Variants in RASAL2 observed in about 807,000 individuals in gnomAD.
RASAL2 encodes RAS protein activator like 2, also known as ras GTPase-activating protein nGAP.
RASAL2 carries 58 observed loss-of-function variants against 128.9 expected under a neutral mutation model. That is an observed-to-expected ratio of 0.45 (90% CI 0.36 to 0.56). RASAL2 has a LOEUF of 0.56. Among genes scored for constraint, RASAL2 ranks in the 20% least tolerant of loss-of-function variants. RASAL2 has a pLI of 0.00. For synonymous variants in RASAL2, 561 were observed against 580.8 expected (o/e 0.97, Z 0.49); for missense variants, 1,360 against 1,601.6 (o/e 0.85, Z 2.57).
intron 1 of RASAL2, among the ~76,000 whole-genome samples, chr1:178,113,619 G>A (rs1324197822): frequency 6.7e-6 from 1 of 148,576 alleles, no homozygotes; most frequent in Non-Finnish European, 1.5e-5. Context: ...CTGGCCTCAA[G>A]CAATCCCCCA....
intron 1 of RASAL2, among the ~76,000 whole-genome samples, chr1:178,174,993 A>T (rs1661834865): frequency 6.6e-6 from 1 of 152,184 alleles, no homozygotes; most frequent in South Asian, 2.1e-4. Flanking sequence ...CTAAGATGAG[A>T]TAGAATCATA....
chr1:178,096,551 G>A (rs533377634), intron 1 of RASAL2, among the ~76,000 whole-genome samples: 10 of 151,612 alleles, frequency 6.6e-5, no homozygotes, highest in Non-Finnish European at 1.5e-4. Context: ...TTCTGAACAG[G>A]ATATATGTTT....
At chr1:178,096,818 G>A (rs1658709759) in intron 1 of RASAL2, among the ~76,000 whole-genome samples, 1 of 151,994 alleles carries the variant, frequency 6.6e-6, no homozygotes, top group Non-Finnish European at 1.5e-5. Flanking sequence ...CTCTGAGGCA[G>A]CTCATCCTGG....
chr1:178,357,873 A>G (rs987442986), intron 3 of RASAL2, among the ~76,000 whole-genome samples: 2 of 152,166 alleles, frequency 1.3e-5, no homozygotes, highest in Non-Finnish European at 2.9e-5. Flanking sequence ...ATATAACAAC[A>G]AATTTAGATT....
At chr1:178,372,291 C>T (rs747200314) in intron 3 of RASAL2, 22 of 985,194 alleles carry the variant, frequency 2.2e-5, no homozygotes, top group East Asian at 2.3e-4. Context: ...ATAGTAGCAC[C>T]GAAGAAGAGA....
intron 1 of RASAL2, among the ~76,000 whole-genome samples, chr1:178,184,645 T>G (rs1282328559): frequency 6.6e-6 from 1 of 152,070 alleles, no homozygotes; most frequent in Non-Finnish European, 1.5e-5. Flanking sequence ...AATGTGTGTC[T>G]TTTTCCAGTC....
chr1:178,423,714 TG>T (rs555754108), intron 5 of RASAL2, among the ~76,000 whole-genome samples: 81 of 151,860 alleles, frequency 5.3e-4, no homozygotes, highest in African/African-American at 1.4e-3. Flanking sequence ...AAAGATGGGA[TG>T]GGGGGGGATT....
Position 178,445,663 on chromosome 1 carries a change from G to A in RASAL2, c.1627+1G>A. The A allele has an allele frequency of 6.3e-7, 1 of 1,597,748 alleles. No individual in the cohort carries two copies. The highest frequency in any genetic ancestry group is 8.5e-7 in the Non-Finnish European group (1 of 1,173,520). On this transcript the variant is annotated splice_donor_variant, in intron 9 of 17. Transcript: ENST00000367649. LOFTEE classifies it high-confidence loss of function. ...CAACAGTATCTTCATGACGCACTGG[G>A]TATGAAAGAGAAAAACATCTATTTT...
intron 1 of RASAL2, among the ~76,000 whole-genome samples, chr1:178,136,775 A>AAAAAAAAAAAAAT (rs1660341443): frequency 6.7e-6 from 1 of 149,968 alleles, no homozygotes; most frequent in African/African-American, 2.5e-5. Flanking sequence ...AAAAAAAAAA[A>AAAAAAAAAAAAAT]AAAAAAAAAA....
At chr1:178,222,158 GTA>G (rs1377043435) in intron 1 of RASAL2, among the ~76,000 whole-genome samples, 1 of 152,018 alleles carries the variant, frequency 6.6e-6, no homozygotes, top group African/African-American at 2.4e-5. Context: ...TGTAGATAAC[GTA>G]TAGTTAGGTT....
At chr1:178,278,337 C>T (rs1229057912) in intron 1 of RASAL2, among the ~76,000 whole-genome samples, 1 of 152,140 alleles carries the variant, frequency 6.6e-6, no homozygotes, top group Non-Finnish European at 1.5e-5. Context: ...CCTGTCTTAT[C>T]TGTGTGGCTG....
intron 1 of RASAL2, among the ~76,000 whole-genome samples, chr1:178,154,327 T>C (rs1469722765): frequency 2.0e-5 from 3 of 152,072 alleles, no homozygotes; most frequent in Non-Finnish European, 2.9e-5. Context: ...TTAAAATTTT[T>C]TGTGGAGACG....
At chr1:178,350,085 G>A (rs1670378496) in intron 3 of RASAL2, among the ~76,000 whole-genome samples, 1 of 152,150 alleles carries the variant, frequency 6.6e-6, no homozygotes, top group South Asian at 2.1e-4. Flanking sequence ...TTCTTCACTA[G>A]TTCTTTCATA....
At position 178,266,718 on chromosome 1, in the gene RASAL2, G is replaced by A. The variant is rs144598074; in HGVS notation, c.203-16846G>A. Among the ~76,000 whole-genome samples the A allele has an allele frequency of 5.7e-3, 870 of 152,314 alleles. 5 individuals are homozygous for A. The highest frequency in any genetic ancestry group is 0.02 in the African/African-American group (829 of 41,550). On this transcript the variant is annotated intron_variant, in intron 1 of 17. Transcript: ENST00000367649. ...AGAAACCAGCCAGGTATATGAAGAG[G>A]CTGGAAGAGGCAGTGTCTTATTTGC...
At chr1:178,330,683 A>G (rs1669254577) in intron 3 of RASAL2, among the ~76,000 whole-genome samples, 2 of 152,180 alleles carry the variant, frequency 1.3e-5, no homozygotes, top group South Asian at 2.1e-4. Context: ...CTGATCAATA[A>G]TAGCTTGTGG....
intron 3 of RASAL2, among the ~76,000 whole-genome samples, chr1:178,380,568 G>A (rs1411915557): frequency 6.6e-6 from 1 of 152,148 alleles, no homozygotes; most frequent in African/African-American, 2.4e-5. Flanking sequence ...AAGCACATGT[G>A]TCTATTGAGT....
At position 178,260,697 on chromosome 1, in the gene RASAL2, A is replaced by G. The variant is rs544430055; in HGVS notation, c.203-22867A>G. 2.6e-5 allele frequency among the ~76,000 whole-genome samples: 4 copies of G among 152,174 alleles called. No individual in the cohort carries two copies. The South Asian group carries it at 8.3e-4, about 32-fold the overall frequency. On this transcript the variant is annotated intron_variant, in intron 1 of 17. Transcript: ENST00000367649. ...TTCACTAAAATATCAAGAGTATTTT[A>G]TAAAGGACTTGCTGGATTAACTGAC...
chr1:178,333,921 T>C (rs1358967599), intron 3 of RASAL2, among the ~76,000 whole-genome samples: 1 of 152,220 alleles, frequency 6.6e-6, no homozygotes, highest in Non-Finnish European at 1.5e-5. Flanking sequence ...AGAGAAAATA[T>C]GTTAACCCTT....
intron 1 of RASAL2, among the ~76,000 whole-genome samples, chr1:178,203,224 C>T (rs1480379136): frequency 6.6e-6 from 1 of 152,188 alleles, no homozygotes; most frequent in African/African-American, 2.4e-5. Flanking sequence ...CACAGCATTG[C>T]CTCTGACCAA....
Sources: gnomAD v4.1 joint callset for allele counts (sites outside exome capture counted in the v4.1 genomes callset) on GRCh38, gnomAD v4.1.1 for gene constraint, MANE v1.5 for transcripts, NCBI Gene and HGNC (gene_info 2026-07-23, HGNC 2026-07-21) for gene names.